The following CELF6 variants were observed in gnomAD, a reference collection of about 807,000 sequenced individuals.
The protein encoded by CELF6 is Bruno -like 6, RNA binding protein.
A neutral mutation model predicts 53.1 loss-of-function variants in CELF6; 32 were observed. That is an observed-to-expected ratio of 0.60 (90% confidence interval 0.46 to 0.81). The LOEUF is 0.81. Ranked by LOEUF, CELF6 falls within the 30% of genes least tolerant of loss-of-function variation. CELF6 has a pLI of 0.00. For synonymous variants in CELF6, 291 were observed against 288.8 expected (o/e 1.01, Z -0.08); for missense variants, 539 against 669.5 (o/e 0.81, Z 2.15).
chr15:72,298,504 G>C (rs2088107140), intron 3 of CELF6, among the ~76,000 whole-genome samples: 1 of 152,204 alleles, frequency 6.6e-6, no homozygotes, highest in Non-Finnish European at 1.5e-5. Context: ...GAAGTGGAAA[G>C]AGTGCATGGA....
At chr15:72,317,554 G>A (rs1178032119) in intron 1 of CELF6, among the ~76,000 whole-genome samples, 1 of 152,168 alleles carries the variant, frequency 6.6e-6, no homozygotes, top group East Asian at 1.9e-4. Flanking sequence ...CTCCCAAGCT[G>A]GGGTTGTTTT....
Position 72,319,957 on chromosome 15 carries a change from A to G in CELF6, c.-83T>C. On this transcript the variant is annotated 5_prime_UTR_variant, in exon 1 of 13. Transcript: ENST00000287202. This position sits in a 1 kb window ranked among gnomAD's most constrained non-coding sequence, Gnocchi z 5.0. ...CCTCCCTGGACCGGTGGCGAGGGCC[A>G]GGGGGAGGGGGCGGAGCCCGGGCGG... 7.9e-7 allele frequency: 1 copy of G among 1,272,720 alleles called. No homozygotes were observed. Among genetic ancestry groups the G allele is most frequent in the Admixed American group, 4.1e-5 (1 of 24,130 alleles). 78.8% of individuals were successfully genotyped at this position (1,272,720 alleles called of 1,614,324 possible). A position where few individuals can be genotyped will look rare whatever the true frequency, so the allele number is the denominator to read the frequency against.
At position 72,288,561 on chromosome 15, in the gene CELF6, G is replaced by T. The variant is rs1350135773; in HGVS notation, c.1151C>A (p.Ala384Asp). 5 of 1,593,268 alleles carry T rather than the reference G, an allele frequency of 3.1e-6. No homozygotes were observed. In the East Asian group the frequency reaches 1.1e-4, roughly 36 times the overall value. ...VSTAFPQQPSALPQQQREGPE... is the reference protein window; with the variant it reads ...VSTAFPQQPSDLPQQQREGPE... Reference sequence around the variant, plus strand: ...ACCTTCTCTCTGCTGCTGGGGCAGGGCTGAAGGCTGCTGGGGAAAAGCTGT... The same window carrying T: ...ACCTTCTCTCTGCTGCTGGGGCAGGTCTGAAGGCTGCTGGGGAAAAGCTGT... The change falls in exon 10 of 13, where the codon GCC becomes GAC. Residue 384 changes from alanine to aspartate, a missense_variant. This residue lies in a region of CELF6 where 358 missense variants were observed against 412.8 expected (regional missense o/e 0.87). Transcript: ENST00000287202. This position sits in a 1 kb window ranked among gnomAD's most constrained non-coding sequence, Gnocchi z 4.6.
At chr15:72,318,400 C>G (rs1471268209) in intron 1 of CELF6, among the ~76,000 whole-genome samples, 1 of 152,176 alleles carries the variant, frequency 6.6e-6, no homozygotes, top group African/African-American at 2.4e-5. Context: ...ACCCAAGGCC[C>G]ACCACTCCTC....
intron 2 of CELF6, among the ~76,000 whole-genome samples, chr15:72,312,299 G>A (rs1713044427): frequency 1.3e-5 from 2 of 152,144 alleles, no homozygotes; most frequent in Non-Finnish European, 2.9e-5. Flanking sequence ...ATGGAGAGGA[G>A]CCAAGCAAAA....
chr15:72,305,689 A>G (rs2088217472), intron 2 of CELF6, among the ~76,000 whole-genome samples: 1 of 151,688 alleles, frequency 6.6e-6, no homozygotes, highest in Non-Finnish European at 1.5e-5. Flanking sequence ...TCTCATCCAC[A>G]CTCAGCCTCA....
At chr15:72,312,638 C>T (rs1361667750) in intron 2 of CELF6, among the ~76,000 whole-genome samples, 2 of 152,028 alleles carry the variant, frequency 1.3e-5, no homozygotes, top group African/African-American at 4.8e-5. Flanking sequence ...CAAAAAAACA[C>T]AAAAAACAAA....
At chr15:72,294,317 G>A (rs1238915613) in intron 3 of CELF6, among the ~76,000 whole-genome samples, 1 of 152,168 alleles carries the variant, frequency 6.6e-6, no homozygotes, top group Non-Finnish European at 1.5e-5. Flanking sequence ...GTAAGGAAAG[G>A]TCCAGCCTTC....
intron 1 of CELF6, among the ~76,000 whole-genome samples, chr15:72,316,944 G>A (rs1002162732): frequency 7.2e-5 from 11 of 152,204 alleles, no homozygotes; most frequent in African/African-American, 2.7e-4. Flanking sequence ...AGAAGGCACT[G>A]AGTCCTCGAG....
At chr15:72,291,217 C>A (rs987735718) in intron 3 of CELF6, among the ~76,000 whole-genome samples, 29 of 152,126 alleles carry the variant, frequency 1.9e-4, no homozygotes, top group Non-Finnish European at 7.3e-5. Context: ...GGCCTGTGTC[C>A]CTCGAAGAAA....
rs775017140 is a variant in CELF6, at chr15:72,289,445, C to A, written c.810G>T (p.Ala270=). ...AAQGPGLGPV[A]AVAAQMQHVA... ...CGTGTTGCATCTGGGCCGCCACTGC[C>A]GCCACCGGGCCTAGGCCTGGGCCCT... is the stretch of plus-strand genomic sequence containing the variant. The change falls in exon 7 of 13, where the codon GCG becomes GCT. Residue 270 remains alanine, a synonymous_variant. Transcript: ENST00000287202. The surrounding 1 kb of genome is among the most constrained non-coding windows in gnomAD (Gnocchi z 7.6). 7 of 1,542,672 alleles carry A rather than the reference C, an allele frequency of 4.5e-6. No individual in the cohort carries two copies. Among genetic ancestry groups the A allele is most frequent in the South Asian group, 3.5e-5 (3 of 84,568 alleles).
At position 72,319,192 on chromosome 15, in the gene CELF6, T is replaced by TA. The variant is rs1383159193; in HGVS notation, c.262+420dup. Among the ~76,000 whole-genome samples, 1 of 152,032 alleles carries TA rather than the reference T, an allele frequency of 6.6e-6. No individual in the cohort carries two copies. The highest frequency in any genetic ancestry group is 2.4e-5 in the African/African-American group (1 of 41,386). On this transcript the variant is annotated intron_variant, in intron 1 of 12. Transcript: ENST00000287202. The surrounding 1 kb of genome is among the most constrained non-coding windows in gnomAD (Gnocchi z 5.0). ...AGTCCAAGATATGCATGTGGGTGGT[T>TA]AGGCCTGAGTGAGGTGCCACCAGAT...
intron 3 of CELF6, chr15:72,292,094 T>A (rs1318602293): frequency 1.4e-6 from 1 of 691,788 alleles, no homozygotes. Context: ...AAAATAGAAC[T>A]GCTGTGACTG....
At position 72,289,020 on chromosome 15, in the gene CELF6, G is replaced by A. The variant is rs562641938; in HGVS notation, c.1031-90C>T. 3 of 1,321,866 alleles carry A rather than the reference G, an allele frequency of 2.3e-6. No homozygotes were observed. Among genetic ancestry groups the A allele is most frequent in the South Asian group, 2.7e-5 (2 of 72,826 alleles). The allele number at this position is 1,321,866 out of a possible 1,614,324, so 81.9% of individuals were successfully genotyped here. On this transcript the variant is annotated intron_variant, in intron 8 of 12. Transcript: ENST00000287202. The surrounding 1 kb of genome is among the most constrained non-coding windows in gnomAD (Gnocchi z 7.6). ...TCAGGGAGTGTGGGAGGTGGACGGC[G>A]GCTGTGAGAGACAGCAGGGAAGGAG...
chr15:72,290,079 C>A, intron 4 of CELF6, 48 bp downstream of exon 4: 1 of 1,613,320 alleles, frequency 6.2e-7, no homozygotes, highest in Non-Finnish European at 8.5e-7. Flanking sequence ...TTATGTGGCC[C>A]AGAGTGAGGA....
At position 72,315,793 on chromosome 15, in the gene CELF6, G is replaced by C. The variant is rs2140308012; in HGVS notation, c.345+52C>G. 2.3e-6 allele frequency: 3 copies of C among 1,279,020 alleles called. No homozygotes were observed. In the East Asian group the frequency reaches 7.6e-5, roughly 32 times the overall value. 79.2% of individuals were successfully genotyped at this position (1,279,020 alleles called of 1,614,324 possible). ...ACATGCTGCTTTGGCATGCACACAG[G>C]GCACTGTCCCCAGCCTGAGGTGATT... On this transcript the variant is annotated intron_variant, in intron 2 of 12. Transcript: ENST00000287202.
intron 2 of CELF6, chr15:72,313,707 TG>T: frequency 1.0e-6 from 1 of 954,822 alleles, no homozygotes; most frequent in Non-Finnish European, 1.2e-6. Context: ...GTTTCCCACA[TG>T]GAATGTTACA....
rs768614123 is a variant in CELF6, at chr15:72,288,522, G to C, written c.1174+16C>G. ...CAGCCCCACCAGGTTCTGCTGTCCA[G>C]CCCCCAGTCCCTCACCTTCTCTCTG... is the stretch of plus-strand genomic sequence containing the variant. On this transcript the variant is annotated intron_variant, in intron 10 of 12. Transcript: ENST00000287202. This position sits in a 1 kb window ranked among gnomAD's most constrained non-coding sequence, Gnocchi z 4.6. The C allele has an allele frequency of 6.2e-7, 1 of 1,611,466 alleles. No homozygotes were observed. Among genetic ancestry groups the C allele is most frequent in the Non-Finnish European group, 8.5e-7 (1 of 1,178,396 alleles).
rs754377086 is a variant in CELF6 at position 72,290,059 on chromosome 15, G to C, written c.524-41C>G. The C allele has an allele frequency of 1.8e-5, 29 of 1,613,364 alleles. No homozygotes were observed. The Middle Eastern group carries it at 8.2e-4, about 46-fold the overall frequency. On this transcript the variant is annotated intron_variant, in intron 4 of 12. Transcript: ENST00000287202. ...GGGAGCGGGTGGCTCAGGCCACAGG[G>C]GCCAAAGAGTTATGTGGCCCAGAGT...
Sources: gnomAD v4.1 joint callset for allele counts (sites outside exome capture counted in the v4.1 genomes callset) on GRCh38, gnomAD v4.1.1 for gene constraint, gnomAD v4.1.1 regional missense constraint, Gnocchi (gnomAD v3.1) non-coding constraint, MANE v1.5 for transcripts, NCBI Gene and HGNC (gene_info 2026-07-23, HGNC 2026-07-21) for gene names.